CFAP299: variants seen among roughly 807,000 people sequenced by gnomAD.
CFAP299 encodes cilia- and flagella-associated protein 299.
In CFAP299, 21 loss-of-function variants were observed where a neutral mutation model predicts 27.0. The ratio of observed to expected loss-of-function variants is 0.78; its 90% confidence interval spans 0.55 to 1.12. CFAP299 has a LOEUF of 1.12. Ranked by LOEUF, CFAP299 falls within the 50% of genes most tolerant of loss-of-function variation. The probability of loss-of-function intolerance (pLI) is 0.00; values close to 1 mark genes in which losing one functional copy is unlikely to be tolerated. For synonymous variants in CFAP299, 104 were observed against 98.1 expected, an observed-to-expected ratio of 1.06 and a Z score of -0.36; for missense variants, 310 against 276.6, an observed-to-expected ratio of 1.12 and a Z score of -0.86.
At chr4:80,462,449 AT>A (rs1403713059) in intron 2 of CFAP299, among the ~76,000 whole-genome samples, 1 of 152,176 alleles carries the variant, frequency 6.6e-6, no homozygotes, top group Admixed American at 6.5e-5. Context: ...TTTGTAGTTA[AT>A]AAAAAGCTAA....
At chr4:80,566,281 AT>A (rs1033645359) in intron 2 of CFAP299, among the ~76,000 whole-genome samples, 2 of 151,976 alleles carry the variant, frequency 1.3e-5, no homozygotes, top group African/African-American at 4.8e-5. Context: ...TTCTAATAGT[AT>A]TTTTTTAAGT....
chr4:80,586,633 AT>A (rs1736457324), intron 3 of CFAP299, among the ~76,000 whole-genome samples: 1 of 152,214 alleles, frequency 6.6e-6, no homozygotes, highest in African/African-American at 2.4e-5. Context: ...TGCTTCTAAT[AT>A]AATAGGATTA....
chr4:80,475,100 T>C (rs1339876727), intron 2 of CFAP299, among the ~76,000 whole-genome samples: 1 of 150,822 alleles, frequency 6.6e-6, no homozygotes, highest in Admixed American at 6.6e-5. Context: ...TGTTGGGGGG[T>C]AGTGAGAAGG....
rs1578613785 is a variant in CFAP299 at position 80,570,338 on chromosome 4, C to A, written c.243-12755C>A. ...AGAAACTCCAATAAGAGCAAAAATA[C>A]AAACTACGTGTGAAATAATATATTT... On this transcript the variant is annotated intron_variant, in intron 2 of 5. Transcript: ENST00000358105. Among the ~76,000 whole-genome samples, 8 of 151,898 alleles carry A rather than the reference C, an allele frequency of 5.3e-5. No individual in the cohort carries two copies. The South Asian group carries it at 1.7e-3, about 32-fold the overall frequency.
chr4:80,474,737 A>C (rs899864642), intron 2 of CFAP299, among the ~76,000 whole-genome samples: 3 of 152,236 alleles, frequency 2.0e-5, no homozygotes, highest in Non-Finnish European at 4.4e-5. Context: ...TAAATTGACT[A>C]TCAATTTATT....
intron 5 of CFAP299, among the ~76,000 whole-genome samples, chr4:80,956,955 A>G (rs1451385465): frequency 2.0e-5 from 3 of 152,232 alleles, no homozygotes; most frequent in Non-Finnish European, 4.4e-5. Context: ...TATGATCCTA[A>G]CTACTGATTT....
intron 3 of CFAP299, among the ~76,000 whole-genome samples, chr4:80,793,993 T>A (rs1437047213): frequency 6.6e-6 from 1 of 152,158 alleles, no homozygotes; most frequent in African/African-American, 2.4e-5. Context: ...CCATTTGTAG[T>A]CTTGTCTGGA....
chr4:80,423,099 A>C (rs1727365426), intron 2 of CFAP299, among the ~76,000 whole-genome samples: 1 of 152,244 alleles, frequency 6.6e-6, no homozygotes, highest in Non-Finnish European at 1.5e-5. Context: ...ACATTTGCAT[A>C]AGGCAGCTCC....
chr4:80,425,130 A>G (rs1414681370), intron 2 of CFAP299, among the ~76,000 whole-genome samples: 1 of 152,180 alleles, frequency 6.6e-6, no homozygotes, highest in Non-Finnish European at 1.5e-5. Flanking sequence ...TTAATCCCCA[A>G]TGCAACAGTG....
intron 4 of CFAP299, among the ~76,000 whole-genome samples, chr4:80,889,989 C>T (rs1156540464): frequency 1.3e-5 from 2 of 151,950 alleles, no homozygotes; most frequent in East Asian, 3.9e-4. Flanking sequence ...GTAATAAAAC[C>T]CATATATGTC....
At chr4:80,828,563 G>C (rs1730120546) in intron 3 of CFAP299, among the ~76,000 whole-genome samples, 1 of 151,924 alleles carries the variant, frequency 6.6e-6, no homozygotes. Flanking sequence ...CTTCATGATA[G>C]TGAGTTCTCA....
At chr4:80,391,132 C>T (rs369425463) in intron 2 of CFAP299, among the ~76,000 whole-genome samples, 3 of 152,090 alleles carry the variant, frequency 2.0e-5, no homozygotes, top group South Asian at 4.1e-4. Flanking sequence ...TATTGATGGA[C>T]ACTTAGGTTG....
At chr4:80,555,141 A>G (rs1054581641) in intron 2 of CFAP299, among the ~76,000 whole-genome samples, 1 of 152,162 alleles carries the variant, frequency 6.6e-6, no homozygotes, top group African/African-American at 2.4e-5. Flanking sequence ...TGGGTTTGTC[A>G]TAGATGGCTC....
At chr4:80,726,601 GGT>G (rs1344737793) in intron 3 of CFAP299, among the ~76,000 whole-genome samples, 1 of 151,782 alleles carries the variant, frequency 6.6e-6, no homozygotes, top group African/African-American at 2.4e-5. Context: ...GTACTTCACT[GGT>G]GCTGAAATGT....
intron 1 of CFAP299, among the ~76,000 whole-genome samples, chr4:80,342,861 A>G (rs1236158504): frequency 2.6e-5 from 4 of 152,200 alleles, no homozygotes; most frequent in African/African-American, 9.7e-5. Flanking sequence ...AAATGCTCCA[A>G]TTAAAAGACA....
Position 80,891,819 on chromosome 4 carries a change from C to T in CFAP299, c.476+21684C>T, listed in dbSNP as rs545896223. On this transcript the variant is annotated intron_variant, in intron 4 of 5. Coordinates refer to ENST00000358105, the MANE Select transcript of CFAP299 (RefSeq NM_152770.3). Reference sequence around the variant, plus strand: ...AAAAAAATAAAAGCTTTGAGAAGCCCTAGATTAAAGGAAAAAAAAAAAAAA... The same window carrying T: ...AAAAAAATAAAAGCTTTGAGAAGCCTTAGATTAAAGGAAAAAAAAAAAAAA... Among the ~76,000 whole-genome samples the T allele has an allele frequency of 7.7e-5, 6 of 77,924 alleles. No individual in the cohort carries two copies. In the South Asian group the frequency reaches 2.7e-3, roughly 35 times the overall value. 51.1% of individuals were successfully genotyped at this position (77,924 alleles called of 152,430 possible).
At chr4:80,924,317 A>C (rs1348212618) in intron 4 of CFAP299, among the ~76,000 whole-genome samples, 5 of 151,882 alleles carry the variant, frequency 3.3e-5, no homozygotes. Flanking sequence ...ACAGTTCAAA[A>C]AAAGACCACA....
chr4:80,429,040 G>A (rs1727674387), intron 2 of CFAP299, among the ~76,000 whole-genome samples: 1 of 152,174 alleles, frequency 6.6e-6, no homozygotes, highest in Admixed American at 6.5e-5. Context: ...TTCACACAAT[G>A]TATAGTTCAG....
intron 3 of CFAP299, among the ~76,000 whole-genome samples, chr4:80,602,578 A>G (rs1737413575): frequency 6.6e-6 from 1 of 152,174 alleles, no homozygotes; most frequent in Non-Finnish European, 1.5e-5. Flanking sequence ...TAGAAATTAA[A>G]TATAGAAATT....
Sources: gnomAD v4.1 joint callset for allele counts (sites outside exome capture counted in the v4.1 genomes callset) on GRCh38, gnomAD v4.1.1 for gene constraint, MANE v1.5 for transcripts, NCBI Gene and HGNC (gene_info 2026-07-23, HGNC 2026-07-21) for gene names.